The following ZDHHC13 variants were observed in gnomAD, a reference collection of about 807,000 sequenced individuals.
ZDHHC13 encodes palmitoyltransferase ZDHHC13.
A neutral mutation model predicts 86.0 loss-of-function variants in ZDHHC13; 85 were observed. The observed-to-expected ratio is 0.99, with a 90% confidence interval of 0.83 to 1.18. ZDHHC13 has a LOEUF of 1.18. ZDHHC13 is among the 50% of genes most tolerant of loss of function. The pLI is 0.00. For missense variants in ZDHHC13, 711 were observed against 730.2 expected (o/e 0.97, Z 0.30); for synonymous variants, 263 against 246.4 (o/e 1.07, Z -0.63).
chr11:19,137,178 T>C (rs937327376), intron 1 of ZDHHC13, among the ~76,000 whole-genome samples: 16 of 152,012 alleles, frequency 1.1e-4, no homozygotes, highest in African/African-American at 2.9e-4. Flanking sequence ...ACCCATCTCA[T>C]GTGCAGAGAC....
chr11:19,135,542 C>G (rs572416768), intron 1 of ZDHHC13, among the ~76,000 whole-genome samples: 2 of 152,162 alleles, frequency 1.3e-5, no homozygotes, highest in South Asian at 2.1e-4. Context: ...ACAAAGCAGC[C>G]GGGAAGCTCG....
chr11:19,135,709 C>T (rs1056432266), intron 1 of ZDHHC13, among the ~76,000 whole-genome samples: 1 of 152,248 alleles, frequency 6.6e-6, no homozygotes, highest in Non-Finnish European at 1.5e-5. Flanking sequence ...GTTCTCCCAG[C>T]ATGCAGCTGG....
chr11:19,151,778 T>G (rs1260391652), intron 6 of ZDHHC13, among the ~76,000 whole-genome samples: 1 of 152,074 alleles, frequency 6.6e-6, no homozygotes, highest in Non-Finnish European at 1.5e-5. Context: ...AGTTAGCTCC[T>G]CAACTAAGAC....
chr11:19,123,919 T>C lies in ZDHHC13; in HGVS notation c.27+6643T>C, dbSNP rs371314817. Among the ~76,000 whole-genome samples the C allele has an allele frequency of 2.6e-5, 4 of 152,230 alleles. No homozygotes were observed. The South Asian group carries it at 8.3e-4, about 32-fold the overall frequency. ...TAATATTCAGTTCTGGGAAGGTTTGTAGGGAGAAAGAACACGTATATACTT... is the reference window on the plus strand; with the variant it reads ...TAATATTCAGTTCTGGGAAGGTTTGCAGGGAGAAAGAACACGTATATACTT... On this transcript the variant is annotated intron_variant, in intron 1 of 16. Transcript: ENST00000446113.
intron 1 of ZDHHC13, among the ~76,000 whole-genome samples, chr11:19,125,262 C>A (rs1383182337): frequency 6.6e-6 from 1 of 152,062 alleles, no homozygotes; most frequent in Non-Finnish European, 1.5e-5. Flanking sequence ...ATATAAAGAA[C>A]TCTCAAAACT....
intron 9 of ZDHHC13, among the ~76,000 whole-genome samples, 163 bp from the exon 10 acceptor site, chr11:19,158,777 C>A (rs1241565358): frequency 6.6e-6 from 1 of 152,048 alleles, no homozygotes; most frequent in South Asian, 2.1e-4. Flanking sequence ...TGTTGCATAA[C>A]TCTATTACCA....
At chr11:19,169,692 C>G in intron 14 of ZDHHC13, 5 of 985,468 alleles carry the variant, frequency 5.1e-6, no homozygotes, top group Non-Finnish European at 4.8e-6. Context: ...TCTGCTGCTT[C>G]CTGTGTGTAT....
intron 14 of ZDHHC13, 190 bp downstream of exon 14, chr11:19,166,575 A>G (rs2242458): frequency 0.56 from 242,051 of 434,406 alleles, 72,570 homozygotes; most frequent in Admixed American, 0.64. Flanking sequence ...GTTAGTTCTC[A>G]GTACTTTAGG....
intron 1 of ZDHHC13, among the ~76,000 whole-genome samples, chr11:19,134,549 C>A (rs1849080145): frequency 6.6e-6 from 1 of 152,156 alleles, no homozygotes. Flanking sequence ...GAGTTCATTT[C>A]TTTTGTAGGG....
At chr11:19,169,207 A>G in intron 14 of ZDHHC13, 1 of 985,350 alleles carries the variant, frequency 1.0e-6, no homozygotes, top group Middle Eastern at 5.2e-4. Flanking sequence ...TTCCCAATCA[A>G]CAGCTGTTTT....
chr11:19,117,107 G>A (rs1590054290), upstream of ZDHHC13: 4 of 875,366 alleles, frequency 4.6e-6, no homozygotes, highest in East Asian at 5.6e-5. This position sits in a 1 kb window ranked among gnomAD's most constrained non-coding sequence, Gnocchi z 4.2. Context: ...CCGATTGACG[G>A]CTCAGGGCAC....
intron 1 of ZDHHC13, among the ~76,000 whole-genome samples, chr11:19,129,893 C>T (rs1269788452): frequency 6.6e-6 from 1 of 152,040 alleles, no homozygotes; most frequent in Non-Finnish European, 1.5e-5. Flanking sequence ...GAGATCGAGA[C>T]CATCCTGGCT....
At chr11:19,120,531 G>C (rs1357926416) in intron 1 of ZDHHC13, among the ~76,000 whole-genome samples, 2 of 152,170 alleles carry the variant, frequency 1.3e-5, no homozygotes, top group Non-Finnish European at 2.9e-5. Context: ...TTATTTGTGA[G>C]GTAGTCACAA....
rs1345230424 is a variant in ZDHHC13 at position 19,152,574 on chromosome 11, G to T, written c.763G>T (p.Asp255Tyr). 1.6e-5 allele frequency: 25 copies of T among 1,611,722 alleles called. No individual in the cohort carries two copies. Among genetic ancestry groups the T allele is most frequent in the Non-Finnish European group, 2.1e-5 (25 of 1,178,842 alleles). The change falls in exon 8 of 17, where the codon GAT becomes TAT. Residue 255 changes from aspartate (D) to tyrosine (Y), a missense_variant. Coordinates refer to ENST00000446113, the MANE Select transcript of ZDHHC13 (RefSeq NM_019028.3). ...CTTTTTTAAGGGAGAAACACCTCTTGATATGGCTCTACAAAACAAAAATCA... is the reference window on the plus strand; with the variant it reads ...CTTTTTTAAGGGAGAAACACCTCTTTATATGGCTCTACAAAACAAAAATCA... ...IQNVKGETPLDMALQNKNQLI... is the reference protein window; with the variant it reads ...IQNVKGETPLYMALQNKNQLI...
chr11:19,135,219 G>T (rs4325290), intron 1 of ZDHHC13, among the ~76,000 whole-genome samples: 28 of 152,236 alleles, frequency 1.8e-4, no homozygotes, highest in African/African-American at 6.0e-4. Flanking sequence ...GTGCACGCAC[G>T]GTGTGCGAGC....
At chr11:19,124,984 A>C (rs10741761) in intron 1 of ZDHHC13, among the ~76,000 whole-genome samples, 2 of 151,868 alleles carry the variant, frequency 1.3e-5, no homozygotes, top group Non-Finnish European at 2.9e-5. Flanking sequence ...TCAAGGAGCC[A>C]CAAAGGGATT....
chr11:19,168,903 A>T, intron 14 of ZDHHC13: 5 of 984,992 alleles, frequency 5.1e-6, no homozygotes, highest in Non-Finnish European at 6.0e-6. Context: ...ATTGTAGATT[A>T]CCATCAGGAA....
intron 2 of ZDHHC13, among the ~76,000 whole-genome samples, chr11:19,144,060 T>C (rs1590073039): frequency 6.6e-6 from 1 of 152,136 alleles, no homozygotes; most frequent in Non-Finnish European, 1.5e-5. Context: ...TAATGTATTG[T>C]CTATGTTAAT....
At chr11:19,139,718 T>G (rs1175686694) in intron 1 of ZDHHC13, among the ~76,000 whole-genome samples, 2,195 of 148,106 alleles carry the variant, frequency 0.015, 28 homozygotes, top group Middle Eastern at 0.045. Flanking sequence ...AAAACAGAGA[T>G]ATAGATCAAT....
Sources: allele counts gnomAD v4.1 joint callset (sites outside exome capture counted in the v4.1 genomes callset), GRCh38; gene constraint gnomAD v4.1.1; non-coding constraint Gnocchi (gnomAD v3.1); transcripts MANE v1.5; gene names NCBI Gene and HGNC (gene_info 2026-07-23, HGNC 2026-07-21).